The following APC variants were observed in gnomAD, a reference collection of about 807,000 sequenced individuals.
The protein encoded by APC is APC regulator of Wnt signaling pathway, also known as adenomatous polyposis coli protein.
A neutral mutation model predicts 247.0 loss-of-function variants in APC; 72 were observed. That is an observed-to-expected ratio of 0.29 (90% CI 0.24 to 0.35). APC has a LOEUF of 0.35. Ranked by LOEUF, APC falls within the 10% of genes least tolerant of loss-of-function variation. The probability of loss-of-function intolerance (pLI) is 1.00; values close to 1 mark genes in which losing one functional copy is unlikely to be tolerated. For missense variants in APC, 3,400 were observed against 3,360.7 expected (o/e 1.01, Z -0.29); for synonymous variants, 1,254 against 1,162.5 (o/e 1.08, Z -1.60).
At chr5:112,716,038 G>T (rs1448439126) in intron 1 of APC, among the ~76,000 whole-genome samples, 3 of 152,064 alleles carry the variant, frequency 2.0e-5, no homozygotes, top group Non-Finnish European at 4.4e-5. Context: ...CCAGAGATCA[G>T]TAGTCTTTCC....
At chr5:112,785,144 T>G (rs1354689653) in intron 6 of APC, among the ~76,000 whole-genome samples, 5 of 152,188 alleles carry the variant, frequency 3.3e-5, no homozygotes, top group Non-Finnish European at 7.3e-5. Flanking sequence ...TCACTATTAT[T>G]TAACTTTGTT....
At chr5:112,807,809 C>G (rs1482236860) in intron 8 of APC, among the ~76,000 whole-genome samples, 1 of 152,122 alleles carries the variant, frequency 6.6e-6, no homozygotes, top group Non-Finnish European at 1.5e-5. Context: ...GCATCATCAT[C>G]ACTTCTTCCC....
intron 14 of APC, 105 bp downstream of exon 14, chr5:112,829,077 T>C: frequency 1.3e-6 from 1 of 798,830 alleles, no homozygotes; most frequent in Non-Finnish European, 2.2e-6. Context: ...CTGTGTATTA[T>C]TCAGTACTAT....
Position 112,840,085 on chromosome 5 carries a change from A to T in APC, c.4491A>T (p.Pro1497=). ...TACATTTTGCCACGGAAAGTACTCC[A>T]GATGGATTTTCTTGTTCATCCAGCC... is the stretch of plus-strand genomic sequence containing the variant. ...TLLHFATEST[P]DGFSCSSSLS... Residue 1497 remains proline, a synonymous_variant, in exon 16 of 16, where the codon CCA becomes CCT. Coordinates refer to ENST00000257430, the MANE Select transcript of APC (RefSeq NM_000038.6). This position sits in a 1 kb window ranked among gnomAD's most constrained non-coding sequence, Gnocchi z 4.1. 2 of 1,614,210 alleles carry T rather than the reference A, an allele frequency of 1.2e-6. No homozygotes were observed. Among genetic ancestry groups the T allele is most frequent in the Non-Finnish European group, 1.7e-6 (2 of 1,180,030 alleles).
chr5:112,710,904 A>G (rs953958748), intron 1 of APC, among the ~76,000 whole-genome samples: 5 of 152,246 alleles, frequency 3.3e-5, no homozygotes, highest in African/African-American at 1.2e-4. Flanking sequence ...AGTGTTTGGT[A>G]CATTGTAGAG....
In APC at chr5:112,746,307, G is replaced by T. The variant is rs190410825; in HGVS notation, c.-19+8382G>T. Among the ~76,000 whole-genome samples, 12 of 152,118 alleles carry T rather than the reference G, an allele frequency of 7.9e-5. 1 individual carries two copies. The highest frequency in any genetic ancestry group is 7.2e-4 in the Admixed American group (11 of 15,294). The stretch of plus-strand genomic sequence containing the variant: ...ACTTTGATAAGAAAAAAGAAAAAAG[G>T]CACCTTCTGATTTGAATTCTAGCTG... On this transcript the variant is annotated intron_variant, in intron 1 of 15. Transcript: ENST00000257430.
At chr5:112,759,968 A>G (rs187221245) in intron 2 of APC, among the ~76,000 whole-genome samples, 9 of 152,298 alleles carry the variant, frequency 5.9e-5, no homozygotes, top group African/African-American at 2.2e-4. Context: ...ACTAGAAAAC[A>G]CTGGATAAAA....
At chr5:112,830,363 C>T (rs1290880807) in intron 14 of APC, among the ~76,000 whole-genome samples, 2 of 151,996 alleles carry the variant, frequency 1.3e-5, no homozygotes, top group African/African-American at 4.8e-5. Context: ...AATGAGATAC[C>T]ATTATGCATA....
At chr5:112,789,386 T>C (rs1464800653) in intron 6 of APC, among the ~76,000 whole-genome samples, 1 of 152,174 alleles carries the variant, frequency 6.6e-6, no homozygotes, top group Non-Finnish European at 1.5e-5. Context: ...GGATTAGGAA[T>C]ACTCAAGGTG....
chr5:112,802,886 C>T (rs1487883258), intron 8 of APC, among the ~76,000 whole-genome samples: 2 of 151,738 alleles, frequency 1.3e-5, no homozygotes, highest in East Asian at 3.9e-4. Flanking sequence ...TATTTATATA[C>T]CAGCTATTTA....
intron 1 of APC, among the ~76,000 whole-genome samples, chr5:112,727,430 A>T (rs901127456): frequency 6.6e-6 from 1 of 152,302 alleles, no homozygotes; most frequent in South Asian, 2.1e-4. Context: ...TAATATTGGT[A>T]TAAGAACAAA....
intron 5 of APC, among the ~76,000 whole-genome samples, chr5:112,779,420 C>G (rs1758078805): frequency 6.6e-6 from 1 of 152,152 alleles, no homozygotes; most frequent in Admixed American, 6.6e-5. Flanking sequence ...TAATTATTCT[C>G]TACTAATTTA....
In APC at chr5:112,841,122, CTCA is replaced by C; in HGVS notation, c.5533_5535del (p.His1845del). The C allele has an allele frequency of 6.2e-7, 1 of 1,612,600 alleles. No homozygotes were observed. The highest frequency in any genetic ancestry group is 8.5e-7 in the Non-Finnish European group (1 of 1,178,740). ...AGAGGAAGTTTTGCTTTTGATTCAC[CTCA>C]TCATTACACGCCTATTGAAGGAACT... is the stretch of plus-strand genomic sequence containing the variant. On this transcript the variant is annotated inframe_deletion, in exon 16 of 16. Coordinates refer to ENST00000257430, the MANE Select transcript of APC (RefSeq NM_000038.6). The surrounding 1 kb of genome is among the most constrained non-coding windows in gnomAD (Gnocchi z 4.6).
chr5:112,803,275 A>G (rs1359179204), intron 8 of APC, among the ~76,000 whole-genome samples: 1 of 152,140 alleles, frequency 6.6e-6, no homozygotes, highest in Non-Finnish European at 1.5e-5. Context: ...AACATCTAAG[A>G]TTTTTTGCTA....
chr5:112,754,270 T>C (rs763941568), intron 1 of APC, among the ~76,000 whole-genome samples: 7 of 152,220 alleles, frequency 4.6e-5, no homozygotes, highest in Non-Finnish European at 8.8e-5. Flanking sequence ...CATCTTCCTA[T>C]CAAAAAGGCT....
intron 4 of APC, among the ~76,000 whole-genome samples, chr5:112,772,089 CA>C (rs1004857526): frequency 6.6e-6 from 1 of 152,136 alleles, no homozygotes; most frequent in Non-Finnish European, 1.5e-5. Context: ...ATTTATTTAA[CA>C]AATATTTATT....
chr5:112,839,103 A>G lies in APC; in HGVS notation c.3509A>G (p.Lys1170Arg), dbSNP rs753325428. Residue 1170 changes from lysine (K) to arginine (R), a missense_variant, in exon 16 of 16, where the codon AAA (lysine) becomes AGA (arginine). By Grantham distance (26) the Lys-to-Arg change is conservative. Coordinates refer to ENST00000257430, the MANE Select transcript of APC (RefSeq NM_000038.6). The surrounding 1 kb of genome is among the most constrained non-coding windows in gnomAD (Gnocchi z 5.0). ...TATAGCATAAAATATAATGAAGAGA[A>G]ACGTCATGTGGATCAGCCTATTGAT... ...TNYSIKYNEE[K>R]RHVDQPIDYS... The G allele has an allele frequency of 3.1e-6, 5 of 1,614,030 alleles. No homozygotes were observed. Among genetic ancestry groups the G allele is most frequent in the Non-Finnish European group, 4.2e-6 (5 of 1,180,032 alleles).
chr5:112,726,991 A>G (rs1382159305), intron 1 of APC, among the ~76,000 whole-genome samples: 1 of 152,116 alleles, frequency 6.6e-6, no homozygotes, highest in South Asian at 2.1e-4. Context: ...TAGGTGACTC[A>G]TTCTCCTAAT....
chr5:112,809,565 C>T (rs1761768938), intron 8 of APC, among the ~76,000 whole-genome samples: 1 of 145,820 alleles, frequency 6.9e-6, no homozygotes, highest in Non-Finnish European at 1.5e-5. Context: ...CCACCATTGC[C>T]ATGAGGACTA....
Sources: gnomAD v4.1 joint callset for allele counts (sites outside exome capture counted in the v4.1 genomes callset) on GRCh38, gnomAD v4.1.1 for gene constraint, Gnocchi (gnomAD v3.1) non-coding constraint, MANE v1.5 for transcripts, NCBI Gene and HGNC (gene_info 2026-07-23, HGNC 2026-07-21) for gene names.